Variants in BRINP3 observed in about 807,000 individuals in gnomAD.
The protein encoded by BRINP3 is BMP/retinoic acid inducible neural specific 3.
BRINP3 carries 19 observed loss-of-function variants against 71.0 expected under a neutral mutation model. The observed-to-expected ratio is 0.27, with a 90% CI of 0.19 to 0.39. The LOEUF is 0.39. BRINP3 is among the 10% of genes least tolerant of loss of function. The pLI, the probability that BRINP3 is intolerant of heterozygous loss-of-function variation, is 1.00. For synonymous variants in BRINP3, 380 were observed against 337.7 expected (o/e 1.13, Z -1.37); for missense variants, 959 against 940.8 (o/e 1.02, Z -0.25).
chr1:190,355,221 G>A (rs1269823923), intron 2 of BRINP3, among the ~76,000 whole-genome samples: 1 of 151,728 alleles, frequency 6.6e-6, no homozygotes, highest in East Asian at 1.9e-4. Context: ...AAACATCAGG[G>A]AACATTACAG....
rs1010975315 is a variant in BRINP3, at chr1:190,134,175, T to C, written c.1184+26493A>G. ...TAATAATACATGAGGTCTACGGTGG[T>C]TAGGGAGTCTTGGGAAAGCCTCTTC... On this transcript the variant is annotated intron_variant, in intron 7 of 7. Transcript: ENST00000367462. Among the ~76,000 whole-genome samples the C allele has an allele frequency of 1.8e-4, 28 of 152,034 alleles. 2 individuals carry two copies. Among genetic ancestry groups the C allele is most frequent in the Non-Finnish European group, 2.9e-5 (2 of 67,994 alleles).
chr1:190,151,019 T>C (rs1656345442), intron 7 of BRINP3, among the ~76,000 whole-genome samples: 1 of 152,076 alleles, frequency 6.6e-6, no homozygotes, highest in Non-Finnish European at 1.5e-5. Context: ...GTGTGGTGTG[T>C]GCGTGTAATA....
At chr1:190,170,811 G>A (rs1425494613) in intron 6 of BRINP3, among the ~76,000 whole-genome samples, 1 of 152,084 alleles carries the variant, frequency 6.6e-6, no homozygotes, top group Non-Finnish European at 1.5e-5. Flanking sequence ...AGCAAAATTA[G>A]TAGTACATAT....
intron 2 of BRINP3, among the ~76,000 whole-genome samples, chr1:190,392,919 T>TA (rs1671340303): frequency 1.3e-5 from 2 of 151,714 alleles, no homozygotes; most frequent in Non-Finnish European, 3.0e-5. Context: ...AGTTGCTTGA[T>TA]ATGTTCACAG....
chr1:190,153,714 G>T (rs1006549882), intron 7 of BRINP3, among the ~76,000 whole-genome samples: 13 of 151,952 alleles, frequency 8.6e-5, no homozygotes, highest in Admixed American at 6.6e-5. Context: ...AAAGAATTTG[G>T]GTCAGCCATG....
intron 4 of BRINP3, among the ~76,000 whole-genome samples, chr1:190,245,485 C>T (rs1002810111): frequency 6.6e-6 from 1 of 151,928 alleles, no homozygotes; most frequent in South Asian, 2.1e-4. Flanking sequence ...ATATTATAAT[C>T]ATATTATGCA....
chr1:190,138,887 A>G (rs530845344), intron 7 of BRINP3, among the ~76,000 whole-genome samples: 2 of 152,282 alleles, frequency 1.3e-5, no homozygotes, highest in African/African-American at 2.4e-5. Flanking sequence ...AGTCCAGATC[A>G]TATACATCTC....
At chr1:190,207,365 A>G (rs1655603696) in intron 6 of BRINP3, among the ~76,000 whole-genome samples, 1 of 152,122 alleles carries the variant, frequency 6.6e-6, no homozygotes, top group Non-Finnish European at 1.5e-5. Context: ...ACACAACACA[A>G]CTACCTGACA....
In BRINP3 at chr1:190,171,945, A is replaced by AT. The variant is rs5779513; in HGVS notation, c.962-11056dup. Among the ~76,000 whole-genome samples, 335 of 143,470 alleles carry AT rather than the reference A, an allele frequency of 2.3e-3. 1 individual carries two copies. The highest frequency in any genetic ancestry group is 0.01 in the Middle Eastern group (3 of 286). 94.1% of individuals were successfully genotyped at this position (143,470 alleles called of 152,430 possible). On this transcript the variant is annotated intron_variant, in intron 6 of 7. Coordinates refer to ENST00000367462, the MANE Select transcript of BRINP3 (RefSeq NM_199051.3). ...AGCATAGTAAGACCCCAACTCTATAATTTTTTTTTTTTTTAATTAGCCAGT... is the reference window on the plus strand; with the variant it reads ...AGCATAGTAAGACCCCAACTCTATAATTTTTTTTTTTTTTTAATTAGCCAGT...
chr1:190,340,535 A>G (rs1667587957), intron 2 of BRINP3, among the ~76,000 whole-genome samples: 1 of 151,886 alleles, frequency 6.6e-6, no homozygotes, highest in South Asian at 2.1e-4. Context: ...ATTATGAACA[A>G]TTTATCCCAA....
At chr1:190,448,463 T>TGTGTGTGTGTGTG (rs1553324612) in intron 2 of BRINP3, among the ~76,000 whole-genome samples, 5 of 125,160 alleles carry the variant, frequency 4.0e-5, no homozygotes, top group East Asian at 4.4e-4. Flanking sequence ...CACTTGGGGT[T>TGTGTGTGTGTGTG]TGTGTGTGTG....
intron 2 of BRINP3, among the ~76,000 whole-genome samples, chr1:190,313,933 G>T (rs1665710635): frequency 6.6e-6 from 1 of 151,872 alleles, no homozygotes; most frequent in South Asian, 2.1e-4. Context: ...CTACAAATAG[G>T]TATTTTAATG....
chr1:190,388,091 T>C (rs1671028271), intron 2 of BRINP3, among the ~76,000 whole-genome samples: 2 of 151,850 alleles, frequency 1.3e-5, no homozygotes, highest in African/African-American at 4.8e-5. Context: ...TCCTTCATCA[T>C]ATATGTGCGA....
At chr1:190,252,500 T>C (rs773804378) in intron 4 of BRINP3, among the ~76,000 whole-genome samples, 8 of 152,076 alleles carry the variant, frequency 5.3e-5, no homozygotes, top group South Asian at 4.1e-4. Context: ...TGAGGATTCC[T>C]GTGAAACTTT....
At chr1:190,271,720 G>C (rs1047376873) in intron 3 of BRINP3, among the ~76,000 whole-genome samples, 3 of 151,488 alleles carry the variant, frequency 2.0e-5, no homozygotes, top group Non-Finnish European at 3.0e-5. Flanking sequence ...ATGCTTTTCA[G>C]ATAAATACCG....
intron 3 of BRINP3, among the ~76,000 whole-genome samples, chr1:190,279,899 C>T (rs4373764): frequency 0.14 from 21,473 of 151,670 alleles, 2,004 homozygotes; most frequent in South Asian, 0.27. Flanking sequence ...ATTTGGATGA[C>T]CTCAATCTCC....
Position 190,098,383 on chromosome 1 carries a change from A to G in BRINP3, c.1936T>C (p.Tyr646His). The G allele has an allele frequency of 6.2e-7, 1 of 1,614,190 alleles. No individual in the cohort carries two copies. The highest frequency in any genetic ancestry group is 8.5e-7 in the Non-Finnish European group (1 of 1,180,032). Residue 646 changes from tyrosine to histidine, a missense_variant, in exon 8 of 8, where the codon TAT (tyrosine) becomes CAT (histidine). Physicochemically the swap from Tyr to His is moderately conservative, Grantham distance 83. Coordinates refer to ENST00000367462, the MANE Select transcript of BRINP3 (RefSeq NM_199051.3). ...GGGTCAATAAACTCCAGAGGTTCATAGTAAATGCTCTCATTACCATTGGGA... is the reference window on the plus strand; with the variant it reads ...GGGTCAATAAACTCCAGAGGTTCATGGTAAATGCTCTCATTACCATTGGGA... Reference protein sequence around the residue: ...NGPNGNESIYYEPLEFIDPSR... With the variant: ...NGPNGNESIYHEPLEFIDPSR...
intron 2 of BRINP3, among the ~76,000 whole-genome samples, chr1:190,329,375 A>G (rs1666815262): frequency 6.6e-6 from 1 of 151,964 alleles, no homozygotes; most frequent in Non-Finnish European, 1.5e-5. Context: ...GGACACTTCT[A>G]TGCAACAATA....
At chr1:190,111,735 T>G (rs889145122) in intron 7 of BRINP3, among the ~76,000 whole-genome samples, 3 of 152,060 alleles carry the variant, frequency 2.0e-5, no homozygotes, top group Non-Finnish European at 4.4e-5. Context: ...CATTTCAAAG[T>G]CACAATCATA....
Sources: allele counts gnomAD v4.1 joint callset (sites outside exome capture counted in the v4.1 genomes callset), GRCh38; gene constraint gnomAD v4.1.1; transcripts MANE v1.5; gene names NCBI Gene and HGNC (gene_info 2026-07-23, HGNC 2026-07-21).